Variants in EPHA3 observed in about 807,000 individuals in gnomAD.
The protein encoded by EPHA3 is EPH receptor A3, also known as ephrin type-A receptor 3.
Under a neutral mutation model 107.1 loss-of-function variants are expected in EPHA3, and 42 were observed. That is an observed-to-expected ratio of 0.39 (90% CI 0.31 to 0.51). The LOEUF is 0.51. Among genes scored for constraint, EPHA3 ranks in the 20% least tolerant of loss-of-function variants. The probability of loss-of-function intolerance (pLI) is 0.78; values close to 1 mark genes in which losing one functional copy is unlikely to be tolerated. For missense variants in EPHA3, 1,183 were observed against 1,211.2 expected (o/e 0.98, Z 0.35); for synonymous variants, 461 against 424.8 (o/e 1.09, Z -1.05).
intron 9 of EPHA3, among the ~76,000 whole-genome samples, chr3:89,411,152 T>A (rs1309680915): frequency 6.6e-6 from 1 of 151,886 alleles, no homozygotes; most frequent in Non-Finnish European, 1.5e-5. Flanking sequence ...TGCTAGGCAT[T>A]TGAATAGTAT....
At chr3:89,149,780 A>C (rs1000904507) in intron 2 of EPHA3, among the ~76,000 whole-genome samples, 4 of 151,948 alleles carry the variant, frequency 2.6e-5, no homozygotes, top group African/African-American at 9.7e-5. Context: ...AGTTATAAGA[A>C]ACTAAAATTA....
At chr3:89,475,579 C>T (rs1710488733) in intron 16 of EPHA3, among the ~76,000 whole-genome samples, 1 of 151,926 alleles carries the variant, frequency 6.6e-6, no homozygotes, top group African/African-American at 2.4e-5. Flanking sequence ...TATTTCATAA[C>T]CTAAGATGGA....
intron 13 of EPHA3, among the ~76,000 whole-genome samples, chr3:89,448,330 C>G (rs1559700022): frequency 6.6e-6 from 1 of 152,124 alleles, no homozygotes; most frequent in Non-Finnish European, 1.5e-5. Flanking sequence ...CTATTTCGTT[C>G]TGTATCTAGT....
At chr3:89,204,388 T>C (rs1042478947) in intron 2 of EPHA3, among the ~76,000 whole-genome samples, 3 of 152,030 alleles carry the variant, frequency 2.0e-5, no homozygotes, top group African/African-American at 7.2e-5. Flanking sequence ...CTGTCCCACA[T>C]CTTGTTAATC....
chr3:89,468,480 T>A (rs1710335498), intron 15 of EPHA3, among the ~76,000 whole-genome samples: 2 of 152,190 alleles, frequency 1.3e-5, no homozygotes, highest in South Asian at 4.1e-4. Context: ...TTCATAAATA[T>A]TCTGAATAAA....
At chr3:89,459,690 T>C (rs1710182053) in intron 15 of EPHA3, among the ~76,000 whole-genome samples, 1 of 152,108 alleles carries the variant, frequency 6.6e-6, no homozygotes, top group Non-Finnish European at 1.5e-5. Flanking sequence ...GCCTGACTAA[T>C]GTTTGTATTC....
intron 2 of EPHA3, among the ~76,000 whole-genome samples, chr3:89,129,666 G>C (rs1332740501): frequency 6.8e-6 from 1 of 147,570 alleles, no homozygotes; most frequent in Admixed American, 6.8e-5. Flanking sequence ...GGTAAGTTTA[G>C]GTTTTGGATT....
At chr3:89,304,719 G>A (rs1215974337) in intron 3 of EPHA3, among the ~76,000 whole-genome samples, 2 of 152,028 alleles carry the variant, frequency 1.3e-5, no homozygotes, top group African/African-American at 4.8e-5. Context: ...TACAAACAAT[G>A]TAATATGCAT....
intron 5 of EPHA3, among the ~76,000 whole-genome samples, chr3:89,395,393 C>A (rs1303881850): frequency 1.3e-5 from 2 of 152,108 alleles, no homozygotes; most frequent in South Asian, 2.1e-4. Context: ...ATAATGGATT[C>A]CAGTCCTCTT....
chr3:89,402,866 C>T (rs1411411327), intron 7 of EPHA3, among the ~76,000 whole-genome samples: 12 of 151,930 alleles, frequency 7.9e-5, no homozygotes, highest in African/African-American at 2.2e-4. Context: ...TTAGTAGAGA[C>T]GGGGTTTCAC....
chr3:89,137,102 G>T (rs527982440), intron 2 of EPHA3, among the ~76,000 whole-genome samples: 5 of 152,002 alleles, frequency 3.3e-5, no homozygotes, highest in African/African-American at 7.2e-5. Flanking sequence ...CATTAAATGT[G>T]TTGAAACATG....
chr3:89,316,552 A>ATACCTTT (rs1442170867), intron 3 of EPHA3, among the ~76,000 whole-genome samples: 1 of 140,864 alleles, frequency 7.1e-6, no homozygotes, highest in African/African-American at 2.6e-5. Flanking sequence ...AAAAGGGTAT[A>ATACCTTT]TACCTTTTTC....
intron 3 of EPHA3, among the ~76,000 whole-genome samples, chr3:89,252,241 T>C (rs1414426661): frequency 6.6e-6 from 1 of 152,176 alleles, no homozygotes; most frequent in Non-Finnish European, 1.5e-5. Flanking sequence ...ATTGAATTCT[T>C]TGAGAAATGT....
At position 89,342,126 on chromosome 3, in the gene EPHA3, A is replaced by G. The variant is rs925260363; in HGVS notation, c.1306+36A>G. On this transcript the variant is annotated intron_variant, in intron 5 of 16. Coordinates refer to ENST00000336596, the MANE Select transcript of EPHA3 (RefSeq NM_005233.6). ...ACTAGATGCTTCTTACTCTTATCAT[A>G]TCACGTCTGAGTAATGGTTTTGACT... The G allele has an allele frequency of 3.9e-6, 6 of 1,549,770 alleles. No individual in the cohort carries two copies. In the African/African-American group the frequency reaches 6.9e-5, roughly 18 times the overall value.
intron 1 of EPHA3, among the ~76,000 whole-genome samples, chr3:89,122,210 G>A (rs1391896034): frequency 2.0e-5 from 3 of 152,114 alleles, no homozygotes; most frequent in African/African-American, 7.2e-5. Context: ...TGTGAAATGA[G>A]GCTGGGACAA....
intron 2 of EPHA3, among the ~76,000 whole-genome samples, chr3:89,171,290 A>T (rs1240083529): frequency 6.6e-6 from 1 of 152,168 alleles, no homozygotes; most frequent in South Asian, 2.1e-4. Context: ...AGCCAAGCAG[A>T]TTCAACTTTG....
At chr3:89,349,709 T>C (rs1707760284) in intron 5 of EPHA3, among the ~76,000 whole-genome samples, 1 of 149,242 alleles carries the variant, frequency 6.7e-6, no homozygotes, top group East Asian at 2.0e-4. Flanking sequence ...TTCTTCCTAG[T>C]CTCGATGGTC....
intron 2 of EPHA3, among the ~76,000 whole-genome samples, chr3:89,140,568 A>G (rs1165773044): frequency 1.3e-5 from 2 of 151,812 alleles, no homozygotes; most frequent in African/African-American, 4.8e-5. Context: ...TGAGCTTTAT[A>G]ACTCCCAAAA....
chr3:89,347,930 T>C (rs1164461260), intron 5 of EPHA3, among the ~76,000 whole-genome samples: 1 of 151,328 alleles, frequency 6.6e-6, no homozygotes, highest in Non-Finnish European at 1.5e-5. Context: ...TTGATTTGTG[T>C]ATATTGGACC....
Sources: gnomAD v4.1 joint callset for allele counts (sites outside exome capture counted in the v4.1 genomes callset) on GRCh38, gnomAD v4.1.1 for gene constraint, MANE v1.5 for transcripts, NCBI Gene and HGNC (gene_info 2026-07-23, HGNC 2026-07-21) for gene names.